Variants in PCDH9 observed in about 807,000 individuals in gnomAD.
The protein encoded by PCDH9 is protocadherin 9.
Under a neutral mutation model 70.6 loss-of-function variants are expected in PCDH9, and 24 were observed. The ratio of observed to expected loss-of-function variants is 0.34; its 90% CI spans 0.25 to 0.48. The LOEUF is 0.48. PCDH9 is among the 20% of genes least tolerant of loss of function. The pLI, the probability that PCDH9 is intolerant of heterozygous loss-of-function variation, is 0.99. For missense variants in PCDH9, 1,281 were observed against 1,503.6 expected, an observed-to-expected ratio of 0.85 and a Z score of 2.45; for synonymous variants, 562 against 558.5, an observed-to-expected ratio of 1.01 and a Z score of -0.09.
chr13:66,356,494 C>T (rs1345206755), intron 4 of PCDH9, among the ~76,000 whole-genome samples: 5 of 151,998 alleles, frequency 3.3e-5, no homozygotes, highest in African/African-American at 1.2e-4. Context: ...TTCTAATAGC[C>T]TTCATTTGTC....
intron 4 of PCDH9, among the ~76,000 whole-genome samples, chr13:66,317,367 T>C (rs1038405266): frequency 2.0e-5 from 3 of 152,200 alleles, no homozygotes; most frequent in African/African-American, 7.2e-5. Context: ...TAAGAATTTA[T>C]AGCATAATAT....
At chr13:66,493,870 T>A (rs951307880) in intron 4 of PCDH9, among the ~76,000 whole-genome samples, 10 of 152,216 alleles carry the variant, frequency 6.6e-5, no homozygotes, top group Admixed American at 6.5e-4. Flanking sequence ...GCCACATATA[T>A]ATTTAATAAT....
At chr13:66,652,604 G>T (rs1466660395) in intron 3 of PCDH9, among the ~76,000 whole-genome samples, 1 of 151,246 alleles carries the variant, frequency 6.6e-6, no homozygotes, top group African/African-American at 2.4e-5. Flanking sequence ...AAAATCCAAT[G>T]ATATTCTTCA....
At chr13:67,005,430 C>T (rs1038321242) in intron 2 of PCDH9, among the ~76,000 whole-genome samples, 6 of 152,184 alleles carry the variant, frequency 3.9e-5, no homozygotes, top group African/African-American at 1.4e-4. Context: ...GCAACAATTT[C>T]AGATAATACT....
intron 4 of PCDH9, among the ~76,000 whole-genome samples, chr13:66,456,411 A>G (rs1412197417): frequency 6.6e-6 from 1 of 151,994 alleles, no homozygotes; most frequent in African/African-American, 2.4e-5. Flanking sequence ...ACAGAGGTAT[A>G]CCACCACACC....
chr13:66,335,038 C>T (rs1018905101), intron 4 of PCDH9, among the ~76,000 whole-genome samples: 2 of 152,048 alleles, frequency 1.3e-5, no homozygotes, highest in African/African-American at 2.4e-5. Flanking sequence ...CAATGTGTGG[C>T]ATAGTTAGGA....
At chr13:66,737,508 A>G (rs376547102) in intron 3 of PCDH9, among the ~76,000 whole-genome samples, 1 of 152,224 alleles carries the variant, frequency 6.6e-6, no homozygotes. Flanking sequence ...ATGGCCGAAT[A>G]GGAACAGCTC....
chr13:67,177,593 C>G (rs557037170), intron 2 of PCDH9, among the ~76,000 whole-genome samples: 1 of 152,050 alleles, frequency 6.6e-6, no homozygotes. Flanking sequence ...GAAGATACAA[C>G]CTTACAATCT....
intron 3 of PCDH9, among the ~76,000 whole-genome samples, chr13:66,849,628 G>A (rs925124760): frequency 1.3e-5 from 2 of 151,588 alleles, no homozygotes; most frequent in Non-Finnish European, 2.9e-5. Flanking sequence ...AAATCTAGGA[G>A]AATCAGTAAA....
At chr13:66,638,201 A>C (rs964002924) in intron 3 of PCDH9, among the ~76,000 whole-genome samples, 1 of 152,212 alleles carries the variant, frequency 6.6e-6, no homozygotes, top group Non-Finnish European at 1.5e-5. Context: ...CATATTCTAA[A>C]AAGTAGAATT....
chr13:67,204,188 A>T (rs754348638), intron 2 of PCDH9: 1 of 152,128 alleles, frequency 6.6e-6, no homozygotes, highest in African/African-American at 2.4e-5. Context: ...AGTGGCCACA[A>T]TTTTTGGATA....
chr13:66,515,019 T>C (rs982704440), intron 4 of PCDH9, among the ~76,000 whole-genome samples: 2 of 152,074 alleles, frequency 1.3e-5, no homozygotes, highest in Non-Finnish European at 2.9e-5. Flanking sequence ...TCCCTGATTA[T>C]ACCTGGAATT....
At chr13:66,906,327 A>T (rs907852841) in intron 2 of PCDH9, among the ~76,000 whole-genome samples, 3 of 152,250 alleles carry the variant, frequency 2.0e-5, no homozygotes, top group Non-Finnish European at 4.4e-5. Context: ...ATTTGATAAT[A>T]GTTCAAACAT....
intron 4 of PCDH9, among the ~76,000 whole-genome samples, chr13:66,586,800 C>T (rs1409210272): frequency 1.3e-5 from 2 of 151,870 alleles, no homozygotes; most frequent in Non-Finnish European, 2.9e-5. Flanking sequence ...AGGTGGCAAA[C>T]GTGGAAATAA....
chr13:67,140,959 T>G (rs915305686), intron 2 of PCDH9, among the ~76,000 whole-genome samples: 1 of 152,168 alleles, frequency 6.6e-6, no homozygotes, highest in African/African-American at 2.4e-5. Flanking sequence ...TTCCCCCTCA[T>G]TTTTTTCTGT....
At chr13:66,672,315 T>C (rs930702449) in intron 3 of PCDH9, among the ~76,000 whole-genome samples, 74 of 152,178 alleles carry the variant, frequency 4.9e-4, no homozygotes, top group Admixed American at 4.8e-3. Context: ...ATCAAAGCAA[T>C]GCTTACATGT....
intron 3 of PCDH9, among the ~76,000 whole-genome samples, chr13:66,890,276 T>C (rs2139564213): frequency 6.6e-6 from 1 of 152,204 alleles, no homozygotes; most frequent in Non-Finnish European, 1.5e-5. Flanking sequence ...CTTTTTAAAA[T>C]GTCAGGTTTA....
At chr13:66,438,233 C>CAA (rs573919913) in intron 4 of PCDH9, among the ~76,000 whole-genome samples, 2 of 96,528 alleles carry the variant, frequency 2.1e-5, no homozygotes, top group African/African-American at 4.0e-5. Context: ...GACTCCGGCT[C>CAA]AAAAAAAAAA....
intron 2 of PCDH9, among the ~76,000 whole-genome samples, chr13:67,159,210 G>A (rs1417455843): frequency 6.6e-6 from 1 of 152,172 alleles, no homozygotes; most frequent in African/African-American, 2.4e-5. Context: ...CCTATAAGGT[G>A]ACAGCCTGGA....
Sources: gnomAD v4.1 joint callset for allele counts (sites outside exome capture counted in the v4.1 genomes callset) on GRCh38, gnomAD v4.1.1 for gene constraint, MANE v1.5 for transcripts, NCBI Gene and HGNC (gene_info 2026-07-23, HGNC 2026-07-21) for gene names.